The following CHST11 variants were observed in gnomAD, a reference collection of about 807,000 sequenced individuals.
CHST11 encodes the protein C4S-1.
CHST11 carries 9 observed loss-of-function variants against 30.4 expected under a neutral mutation model. The observed-to-expected ratio is 0.30, with a 90% CI of 0.18 to 0.52. The LOEUF (loss-of-function observed/expected upper bound fraction) is 0.52. Ranked by LOEUF, CHST11 falls within the 20% of genes least tolerant of loss-of-function variation. CHST11 has a pLI of 0.97. For missense variants in CHST11, 348 were observed against 460.6 expected, an observed-to-expected ratio of 0.76 and a Z score of 2.24; for synonymous variants, 152 against 187.8, an observed-to-expected ratio of 0.81 and a Z score of 1.56.
chr12:104,580,992 A>G (rs1278432359), intron 1 of CHST11, among the ~76,000 whole-genome samples: 1 of 152,254 alleles, frequency 6.6e-6, no homozygotes, highest in Admixed American at 6.5e-5. Context: ...TATTGAGATC[A>G]GGACAAAGTG....
Position 104,457,387 on chromosome 12 carries a change from C to T in CHST11, c.-25C>T, listed in dbSNP as rs775907592. The T allele has an allele frequency of 3.8e-6, 6 of 1,576,304 alleles. No homozygotes were observed. Among genetic ancestry groups the T allele is most frequent in the Admixed American group, 1.7e-5 (1 of 59,298 alleles). Reference sequence around the variant, plus strand: ...CCCCGGGCGCGCTTCCCGGACACCCCGGTCCCCGCAGCCAGGACAAAGCCA... The same window carrying T: ...CCCCGGGCGCGCTTCCCGGACACCCTGGTCCCCGCAGCCAGGACAAAGCCA... On this transcript the variant is annotated 5_prime_UTR_variant, in exon 1 of 3. Transcript: ENST00000303694.
At chr12:104,702,224 A>G (rs1202124605) in intron 2 of CHST11, among the ~76,000 whole-genome samples, 1 of 152,244 alleles carries the variant, frequency 6.6e-6, no homozygotes, top group Non-Finnish European at 1.5e-5. Context: ...ATACCAGCAC[A>G]TGCTGGGTGC....
chr12:104,514,256 A>C, intron 1 of CHST11: 4 of 863,344 alleles, frequency 4.6e-6, no homozygotes, highest in Middle Eastern at 6.5e-4. Context: ...GGGCAGCCAC[A>C]GTTGGTGTGG....
intron 2 of CHST11, among the ~76,000 whole-genome samples, chr12:104,654,913 T>C (rs2039528189): frequency 1.5e-5 from 2 of 135,292 alleles, no homozygotes; most frequent in Non-Finnish European, 3.4e-5. Flanking sequence ...GGAGTGGTCA[T>C]AGCATCCTCA....
At chr12:104,542,768 C>T (rs2038297891) in intron 1 of CHST11, among the ~76,000 whole-genome samples, 2 of 152,178 alleles carry the variant, frequency 1.3e-5, no homozygotes. Context: ...TACCATGTGG[C>T]TTCGTTACCT....
At chr12:104,704,221 C>T (rs958402769) in intron 2 of CHST11, among the ~76,000 whole-genome samples, 1 of 152,224 alleles carries the variant, frequency 6.6e-6, no homozygotes, top group African/African-American at 2.4e-5. Context: ...TCCACCCCTA[C>T]CTCCCCCCAC....
intron 1 of CHST11, among the ~76,000 whole-genome samples, chr12:104,587,878 C>T (rs1297628632): frequency 1.1e-4 from 14 of 124,154 alleles, no homozygotes; most frequent in African/African-American, 4.2e-4. Flanking sequence ...CTCACTCTGT[C>T]ACCCGGGCTG....
At chr12:104,570,971 G>A (rs765173127) in intron 1 of CHST11, among the ~76,000 whole-genome samples, 8 of 151,602 alleles carry the variant, frequency 5.3e-5, no homozygotes, top group South Asian at 2.1e-4. Flanking sequence ...AATTACAGGC[G>A]TGAGCCACCT....
intron 2 of CHST11, among the ~76,000 whole-genome samples, chr12:104,671,231 T>C (rs989843911): frequency 5.3e-5 from 8 of 152,232 alleles, no homozygotes; most frequent in African/African-American, 1.2e-4. Flanking sequence ...CCAGTCTGAC[T>C]GGACACGGCT....
At chr12:104,743,600 C>G (rs1435631539) in intron 2 of CHST11, among the ~76,000 whole-genome samples, 1 of 152,152 alleles carries the variant, frequency 6.6e-6, no homozygotes, top group African/African-American at 2.4e-5. Flanking sequence ...TCTGACTTCT[C>G]TTTTTTTAAT....
At chr12:104,558,520 T>G (rs976529379) in intron 1 of CHST11, among the ~76,000 whole-genome samples, 1 of 149,640 alleles carries the variant, frequency 6.7e-6, no homozygotes. Context: ...ATTGTCATTC[T>G]CTCTGTTCAG....
At chr12:104,628,817 C>T (rs1478246241) in intron 2 of CHST11, among the ~76,000 whole-genome samples, 1 of 152,226 alleles carries the variant, frequency 6.6e-6, no homozygotes, top group African/African-American at 2.4e-5. Flanking sequence ...CTCTAATACC[C>T]TTGCCTCTCT....
chr12:104,646,462 A>G (rs111261161), intron 2 of CHST11, among the ~76,000 whole-genome samples: 9,218 of 152,216 alleles, frequency 0.061, 346 homozygotes, highest in Non-Finnish European at 0.082. Flanking sequence ...GGCCGGGTGC[A>G]GTGGCTCACC....
intron 1 of CHST11, among the ~76,000 whole-genome samples, chr12:104,564,757 G>C (rs2038545689): frequency 6.6e-6 from 1 of 152,164 alleles, no homozygotes; most frequent in Non-Finnish European, 1.5e-5. Context: ...ACCCGAGACT[G>C]GGTAATTGAT....
At chr12:104,462,198 A>AAAAAAAG (rs1593946804) in intron 1 of CHST11, among the ~76,000 whole-genome samples, 2 of 149,142 alleles carry the variant, frequency 1.3e-5, no homozygotes, top group East Asian at 2.0e-4. Context: ...AAAAGAAAAG[A>AAAAAAAG]AAAAAAGAAA....
At chr12:104,537,888 G>T (rs896539248) in intron 1 of CHST11, among the ~76,000 whole-genome samples, 2 of 151,984 alleles carry the variant, frequency 1.3e-5, no homozygotes, top group Non-Finnish European at 2.9e-5. Context: ...TAGAGATGAG[G>T]TCTTGCTCTG....
chr12:104,527,328 T>C (rs1438091884), intron 1 of CHST11, among the ~76,000 whole-genome samples: 1 of 152,210 alleles, frequency 6.6e-6, no homozygotes, highest in Non-Finnish European at 1.5e-5. Flanking sequence ...AGTGGATTAA[T>C]ACACATGGCT....
chr12:104,710,265 C>T (rs1309832507), intron 2 of CHST11, among the ~76,000 whole-genome samples: 1 of 152,196 alleles, frequency 6.6e-6, no homozygotes, highest in African/African-American at 2.4e-5. Context: ...TGGCCTGTGG[C>T]TGCAGCGAGG....
In CHST11 at chr12:104,756,929, G is replaced by C; in HGVS notation, c.205-20G>C. 6.3e-7 allele frequency: 1 copy of C among 1,599,526 alleles called. No homozygotes were observed. Among genetic ancestry groups the C allele is most frequent in the South Asian group, 1.1e-5 (1 of 89,836 alleles). On this transcript the variant is annotated intron_variant, in intron 2 of 2. Transcript: ENST00000303694. ...TCAGGCAAGTACTGAGTTCTTATTC[G>C]TCTTGTGTCTCCTCTGCAGCTGGAG...
Sources: allele counts gnomAD v4.1 joint callset (sites outside exome capture counted in the v4.1 genomes callset), GRCh38; gene constraint gnomAD v4.1.1; transcripts MANE v1.5; gene names NCBI Gene and HGNC (gene_info 2026-07-23, HGNC 2026-07-21).